The following EML5 variants were observed in gnomAD, a reference collection of about 807,000 sequenced individuals.
EML5 encodes the protein echinoderm microtubule-associated protein-like 5.
EML5 carries 120 observed loss-of-function variants against 250.0 expected under a neutral mutation model. The ratio of observed to expected loss-of-function variants is 0.48; its 90% confidence interval spans 0.41 to 0.56. EML5 has a LOEUF of 0.56. EML5 is among the 20% of genes least tolerant of loss of function. The pLI, the probability that EML5 is intolerant of heterozygous loss-of-function variation, is 0.00. For synonymous variants in EML5, 771 were observed against 806.5 expected (o/e 0.96, Z 0.75); for missense variants, 2,006 against 2,437.6 (o/e 0.82, Z 3.73).
At chr14:88,770,636 C>T (rs1209867475) in intron 1 of EML5, among the ~76,000 whole-genome samples, 4 of 152,026 alleles carry the variant, frequency 2.6e-5, no homozygotes, top group Non-Finnish European at 5.9e-5. Flanking sequence ...TCCGATTGGT[C>T]CAATTTTCTT....
chr14:88,784,366 T>A (rs1169822649), intron 1 of EML5, among the ~76,000 whole-genome samples: 2 of 151,564 alleles, frequency 1.3e-5, no homozygotes, highest in African/African-American at 4.8e-5. Context: ...TTGTTTTTTT[T>A]TAAAAAGTTA....
At position 88,754,546 on chromosome 14, in the gene EML5, C is replaced by A; in HGVS notation, c.323G>T (p.Gly108Val). 6.2e-7 allele frequency: 1 copy of A among 1,611,822 alleles called. No individual in the cohort carries two copies. Among genetic ancestry groups the A allele is most frequent in the Non-Finnish European group, 8.5e-7 (1 of 1,179,194 alleles). The change falls in exon 2 of 44, where the codon GGT becomes GTT. Residue 108 changes from glycine (G) to valine (V), a missense_variant. This residue lies in a region of EML5 where 162 missense variants were observed against 212.2 expected (regional missense o/e 0.76). Transcript: ENST00000554922. ...TAAGTCAAACGCCAAGCAAGCTATA[C>A]CATGTGTATGAACATCCTTTAAAAC... ...ISVLKDVHTH[G>V]IACLAFDLDG...
chr14:88,644,369 G>T, intron 30 of EML5, 64 bp downstream of exon 30: 1 of 1,436,042 alleles, frequency 7.0e-7, no homozygotes, highest in Non-Finnish European at 9.6e-7. Context: ...GACAAAACTT[G>T]GGTGTTTTAT....
intron 10 of EML5, among the ~76,000 whole-genome samples, chr14:88,711,684 C>T (rs1018030971): frequency 2.0e-5 from 3 of 152,064 alleles, no homozygotes. Context: ...CTGCTCATGC[C>T]TGTAATCCTA....
chr14:88,677,955 G>C (rs1021621677), intron 21 of EML5, among the ~76,000 whole-genome samples: 5 of 152,094 alleles, frequency 3.3e-5, no homozygotes, highest in Non-Finnish European at 5.9e-5. Flanking sequence ...ATACACAAAG[G>C]AACAGAAATC....
rs34191990 is a variant in EML5 at position 88,647,687 on chromosome 14, CAA to C, written c.4020-734_4020-733del. Among the ~76,000 whole-genome samples, 184 of 48,718 alleles carry C rather than the reference CAA, an allele frequency of 3.8e-3. 1 individual carries two copies. Among genetic ancestry groups the C allele is most frequent in the African/African-American group, 0.013 (170 of 13,526 alleles). The allele number at this position is 48,718 out of a possible 152,430, so 32.0% of individuals were successfully genotyped here. A position where few individuals can be genotyped will look rare whatever the true frequency, so the allele number is the denominator to read the frequency against. On this transcript the variant is annotated intron_variant, in intron 28 of 43. Coordinates refer to ENST00000554922, the MANE Select transcript of EML5 (RefSeq NM_183387.3). ...CCTAGGTAACAGAGTGAGACCGTCT[CAA>C]AAAAAAAAAAAAAAAAAAAAAGGGT...
chr14:88,774,438 G>T (rs2094428622), intron 1 of EML5, among the ~76,000 whole-genome samples: 3 of 152,174 alleles, frequency 2.0e-5, no homozygotes, highest in African/African-American at 7.2e-5. Flanking sequence ...CTAGTTTTGT[G>T]TACCAATAAT....
intron 1 of EML5, among the ~76,000 whole-genome samples, chr14:88,780,223 G>A (rs1454725255): frequency 6.6e-6 from 1 of 152,156 alleles, no homozygotes; most frequent in African/African-American, 2.4e-5. Flanking sequence ...AAAGTGCTGA[G>A]ATTATAGGCA....
chr14:88,740,094 A>G (rs1339731620), intron 5 of EML5, among the ~76,000 whole-genome samples: 1 of 152,216 alleles, frequency 6.6e-6, no homozygotes, highest in Non-Finnish European at 1.5e-5. Flanking sequence ...TGGTTAATCT[A>G]GAATACTTTT....
intron 1 of EML5, among the ~76,000 whole-genome samples, chr14:88,756,498 A>G (rs1235508417): frequency 6.6e-6 from 1 of 152,314 alleles, no homozygotes; most frequent in East Asian, 1.9e-4. Context: ...ATTCTAGCCA[A>G]GAAAAATAGG....
chr14:88,715,793 G>C (rs1045261001), intron 8 of EML5, among the ~76,000 whole-genome samples: 2 of 151,876 alleles, frequency 1.3e-5, no homozygotes, highest in Admixed American at 6.6e-5. Flanking sequence ...CTCCCGAGTA[G>C]CTGGGATTAC....
intron 4 of EML5, among the ~76,000 whole-genome samples, chr14:88,743,812 A>G (rs1288930408): frequency 6.6e-6 from 1 of 152,092 alleles, no homozygotes. Flanking sequence ...GTGGCTTATT[A>G]ATTTCCTATT....
chr14:88,737,387 G>A (rs1345204768), intron 6 of EML5, among the ~76,000 whole-genome samples: 2 of 152,196 alleles, frequency 1.3e-5, no homozygotes, highest in Non-Finnish European at 2.9e-5. Context: ...ACCCGGCCCA[G>A]CCACAGGCTG....
At chr14:88,721,122 G>A (rs1261232722) in intron 8 of EML5, among the ~76,000 whole-genome samples, 1 of 151,930 alleles carries the variant, frequency 6.6e-6, no homozygotes, top group Non-Finnish European at 1.5e-5. Flanking sequence ...AAATAAAAGA[G>A]AACACAAATG....
At chr14:88,627,531 G>T (rs2090095199) in intron 34 of EML5, 115 bp downstream of exon 34, 7 of 1,003,244 alleles carry the variant, frequency 7.0e-6, no homozygotes, top group Non-Finnish European at 1.0e-5. Flanking sequence ...TATTGCATAG[G>T]CCTCCACTGA....
At chr14:88,618,084 T>G in intron 41 of EML5, 144 bp downstream of exon 41, 1 of 529,246 alleles carries the variant, frequency 1.9e-6, no homozygotes, top group Non-Finnish European at 3.3e-6. Context: ...GGTCCCAACA[T>G]GAACATACCA....
intron 19 of EML5, among the ~76,000 whole-genome samples, chr14:88,686,155 G>A (rs1460262413): frequency 6.6e-6 from 1 of 152,074 alleles, no homozygotes; most frequent in African/African-American, 2.4e-5. Flanking sequence ...AATCAGGTTT[G>A]ATATTTGAAA....
intron 21 of EML5, among the ~76,000 whole-genome samples, chr14:88,677,552 CATCT>C (rs1188789166): frequency 6.6e-6 from 1 of 152,174 alleles, no homozygotes; most frequent in Non-Finnish European, 1.5e-5. Context: ...GCAATCTGTC[CATCT>C]GACAAAGGTC....
intron 36 of EML5, 60 bp downstream of exon 36, chr14:88,624,910 C>G: frequency 6.3e-7 from 1 of 1,577,562 alleles, no homozygotes. Flanking sequence ...GAATAATTAA[C>G]TGCAAACCTC....
Sources: gnomAD v4.1 joint callset for allele counts (sites outside exome capture counted in the v4.1 genomes callset) on GRCh38, gnomAD v4.1.1 for gene constraint, gnomAD v4.1.1 regional missense constraint, MANE v1.5 for transcripts, NCBI Gene and HGNC (gene_info 2026-07-23, HGNC 2026-07-21) for gene names.